The following XKR4 variants were observed in gnomAD, a reference collection of about 807,000 sequenced individuals.
The protein encoded by XKR4 is XK related 4.
A neutral mutation model predicts 53.9 loss-of-function variants in XKR4; 12 were observed. The ratio of observed to expected loss-of-function variants is 0.22; its 90% CI spans 0.14 to 0.36. XKR4 has a LOEUF of 0.36. Ranked by LOEUF, XKR4 falls within the 10% of genes least tolerant of loss-of-function variation. XKR4 has a pLI of 1.00. For synonymous variants in XKR4, 354 were observed against 362.4 expected (o/e 0.98, Z 0.26); for missense variants, 799 against 859.5 (o/e 0.93, Z 0.88).
chr8:55,338,415 G>C (rs192008535), intron 1 of XKR4, among the ~76,000 whole-genome samples: 1 of 152,306 alleles, frequency 6.6e-6, no homozygotes, highest in Non-Finnish European at 1.5e-5. Context: ...AGCGGCAATG[G>C]CTAGCCCAGG....
At chr8:55,437,471 G>A (rs1349393960) in intron 2 of XKR4, among the ~76,000 whole-genome samples, 1 of 152,188 alleles carries the variant, frequency 6.6e-6, no homozygotes, top group East Asian at 1.9e-4. Context: ...TACAACATGA[G>A]TCCAAGGCTT....
At chr8:55,186,304 A>G (rs1277939408) in intron 1 of XKR4, among the ~76,000 whole-genome samples, 1 of 152,220 alleles carries the variant, frequency 6.6e-6, no homozygotes, top group Non-Finnish European at 1.5e-5. Flanking sequence ...AAAATGCTTA[A>G]TTAAGCCAAA....
rs139323013 is a variant in XKR4 at position 55,386,648 on chromosome 8, A to G, written c.1006+28771A>G. Among the ~76,000 whole-genome samples the G allele has an allele frequency of 5.3e-3, 806 of 152,304 alleles. 6 individuals carry two copies. The highest frequency in any genetic ancestry group is 0.016 in the African/African-American group (678 of 41,568). ...TGAAACAATTTGCTTTTAATATATC[A>G]TGGAATGTAGTAGCGAAGAGGAGAT... On this transcript the variant is annotated intron_variant, in intron 2 of 2. Transcript: ENST00000327381.
At chr8:55,155,356 G>A (rs956723552) in intron 1 of XKR4, among the ~76,000 whole-genome samples, 3 of 152,076 alleles carry the variant, frequency 2.0e-5, no homozygotes, top group African/African-American at 7.2e-5. Flanking sequence ...GAACATCCTC[G>A]ATGCGAAGCA....
chr8:55,380,520 A>G (rs1422367355), intron 2 of XKR4, among the ~76,000 whole-genome samples: 1 of 152,256 alleles, frequency 6.6e-6, no homozygotes, highest in Admixed American at 6.5e-5. Context: ...CATTGAGACA[A>G]CAACAAGAAC....
Position 55,357,747 on chromosome 8 carries a change from C to T in XKR4, c.876C>T (p.Tyr292=). The part of the protein sequence containing the change: ...QSGENDRWRF[Y]WKMVYEYADV... The stretch of plus-strand genomic sequence containing the variant: ...GGGAGAATGACAGATGGAGGTTTTA[C>T]TGGAAAATGGTATATGAGTATGCGG... Residue 292 remains tyrosine, a synonymous_variant, in exon 2 of 3, where the codon TAC becomes TAT. Coordinates refer to ENST00000327381, the MANE Select transcript of XKR4 (RefSeq NM_052898.2). 6.2e-7 allele frequency: 1 copy of T among 1,614,162 alleles called. No individual in the cohort carries two copies. Among genetic ancestry groups the T allele is most frequent in the Non-Finnish European group, 8.5e-7 (1 of 1,180,022 alleles).
Position 55,536,416 on chromosome 8 carries a change from T to C in XKR4, c.*12189T>C, listed in dbSNP as rs988875267. Reference sequence around the variant, plus strand: ...TCACTAAACCAAAGTAGACAAGGAGTTATTAAAAAATAAAGACTGTCCACA... The same window carrying C: ...TCACTAAACCAAAGTAGACAAGGAGCTATTAAAAAATAAAGACTGTCCACA... On this transcript the variant is annotated 3_prime_UTR_variant, in exon 3 of 3. Coordinates refer to ENST00000327381, the MANE Select transcript of XKR4 (RefSeq NM_052898.2). 4.6e-5 allele frequency: 7 copies of C among 152,088 alleles called. No individual in the cohort carries two copies. The highest frequency in any genetic ancestry group is 1.7e-4 in the African/African-American group (7 of 41,400). The allele number at this position is 152,088 out of a possible 1,614,324, so 9.4% of individuals were successfully genotyped here.
intron 1 of XKR4, among the ~76,000 whole-genome samples, chr8:55,350,433 C>G (rs1047148890): frequency 2.6e-5 from 4 of 152,118 alleles, no homozygotes; most frequent in Admixed American, 2.0e-4. Flanking sequence ...GGTCTTTCCT[C>G]CATCAAAAAT....
At position 55,494,792 on chromosome 8, in the gene XKR4, A is replaced by C. The variant is rs563020221; in HGVS notation, c.1007-28489A>C. Among the ~76,000 whole-genome samples the C allele has an allele frequency of 3.3e-5, 5 of 152,272 alleles. No homozygotes were observed. In the South Asian group the frequency reaches 1.0e-3, roughly 32 times the overall value. ...ATGGACCTCAGACGGGAGGAAGTGCATGCTGATTGGTCCATGCACAGCCAT... is the reference window on the plus strand; with the variant it reads ...ATGGACCTCAGACGGGAGGAAGTGCCTGCTGATTGGTCCATGCACAGCCAT... On this transcript the variant is annotated intron_variant, in intron 2 of 2. Transcript: ENST00000327381.
intron 1 of XKR4, among the ~76,000 whole-genome samples, chr8:55,308,682 GT>G (rs1210077351): frequency 6.6e-6 from 1 of 152,082 alleles, no homozygotes; most frequent in East Asian, 1.9e-4. Flanking sequence ...GAAAATTTGT[GT>G]TCATATAAAA....
intron 2 of XKR4, among the ~76,000 whole-genome samples, chr8:55,494,377 T>C (rs61105673): frequency 0.055 from 8,316 of 152,294 alleles, 625 homozygotes; most frequent in East Asian, 0.28. Flanking sequence ...GCTCTCCTCT[T>C]CTTTTCTTCA....
At chr8:55,471,589 G>A (rs142210763) in intron 2 of XKR4, among the ~76,000 whole-genome samples, 30 of 152,236 alleles carry the variant, frequency 2.0e-4, no homozygotes, top group Middle Eastern at 3.4e-3. Context: ...AGACAATTTG[G>A]AGGCCAGATG....
intron 2 of XKR4, among the ~76,000 whole-genome samples, chr8:55,466,557 G>C (rs964347863): frequency 3.9e-5 from 6 of 151,956 alleles, no homozygotes; most frequent in Non-Finnish European, 8.8e-5. Flanking sequence ...AATGAGTGCA[G>C]CACACCAACA....
intron 2 of XKR4, among the ~76,000 whole-genome samples, chr8:55,402,708 G>A (rs1804619295): frequency 6.6e-6 from 1 of 152,154 alleles, no homozygotes; most frequent in South Asian, 2.1e-4. Context: ...TCCTTCCTTT[G>A]TCTTGATCAG....
intron 2 of XKR4, among the ~76,000 whole-genome samples, chr8:55,443,630 T>C (rs1395474725): frequency 1.5e-5 from 2 of 135,138 alleles, no homozygotes; most frequent in Non-Finnish European, 3.1e-5. Context: ...GATCATGAGG[T>C]CAGGAGATCG....
intron 1 of XKR4, among the ~76,000 whole-genome samples, chr8:55,221,960 T>C (rs1817887445): frequency 6.6e-6 from 1 of 152,194 alleles, no homozygotes; most frequent in Non-Finnish European, 1.5e-5. Context: ...CTATATTTGT[T>C]GAATTGGAAT....
chr8:55,111,727 T>C (rs1816234955), intron 1 of XKR4, among the ~76,000 whole-genome samples: 1 of 152,162 alleles, frequency 6.6e-6, no homozygotes, highest in Non-Finnish European at 1.5e-5. Flanking sequence ...AGATTTCATG[T>C]GGTGAGGTAT....
intron 2 of XKR4, among the ~76,000 whole-genome samples, chr8:55,390,954 T>A (rs1804436210): frequency 6.6e-6 from 1 of 152,232 alleles, no homozygotes; most frequent in African/African-American, 2.4e-5. Flanking sequence ...TGGCAAGTTA[T>A]ATGGTGAGTT....
At chr8:55,277,358 A>T (rs1818778310) in intron 1 of XKR4, among the ~76,000 whole-genome samples, 1 of 152,226 alleles carries the variant, frequency 6.6e-6, no homozygotes. Flanking sequence ...TTTTATATGT[A>T]TATACACATA....
Sources: allele counts gnomAD v4.1 joint callset (sites outside exome capture counted in the v4.1 genomes callset), GRCh38; gene constraint gnomAD v4.1.1; transcripts MANE v1.5; gene names NCBI Gene and HGNC (gene_info 2026-07-23, HGNC 2026-07-21).